Variants in MEI4 observed in about 807,000 individuals in gnomAD.
The protein encoded by MEI4 is meiotic double-stranded break formation protein 4.
In MEI4, 27 loss-of-function variants were observed where a neutral mutation model predicts 31.4. That is an observed-to-expected ratio of 0.86 (90% CI 0.63 to 1.19). MEI4 has a LOEUF of 1.19. Among genes scored for constraint, MEI4 ranks in the 50% most tolerant of loss-of-function variants. The pLI is 0.00. For missense variants in MEI4, 329 were observed against 398.9 expected (o/e 0.82, Z 1.49); for synonymous variants, 122 against 145.4 (o/e 0.84, Z 1.16).
intron 3 of MEI4, among the ~76,000 whole-genome samples, chr6:77,803,362 T>G (rs1296575159): frequency 1.3e-5 from 2 of 152,178 alleles, no homozygotes; most frequent in Non-Finnish European, 2.9e-5. Flanking sequence ...TTATTCTAGG[T>G]AGTCATTGGT....
intron 4 of MEI4, among the ~76,000 whole-genome samples, chr6:77,918,485 T>A (rs1279156182): frequency 1.5e-5 from 2 of 136,246 alleles, no homozygotes; most frequent in Admixed American, 7.7e-5. Flanking sequence ...GTCCTTCACA[T>A]CCCTTGTAAG....
intron 2 of MEI4, among the ~76,000 whole-genome samples, chr6:77,709,357 A>C (rs907995746): frequency 1.3e-5 from 2 of 152,170 alleles, no homozygotes; most frequent in African/African-American, 4.8e-5. Flanking sequence ...ATTCCATGAG[A>C]TCTTGTACCC....
intron 3 of MEI4, among the ~76,000 whole-genome samples, chr6:77,795,593 A>T (rs1477275509): frequency 6.6e-6 from 1 of 152,134 alleles, no homozygotes; most frequent in East Asian, 1.9e-4. Flanking sequence ...GAACAAGGAG[A>T]CATTACCAAT....
intron 1 of MEI4, among the ~76,000 whole-genome samples, chr6:77,658,656 T>C (rs1245636863): frequency 6.6e-6 from 1 of 151,824 alleles, no homozygotes; most frequent in Non-Finnish European, 1.5e-5. Context: ...AAGGGTGATA[T>C]TGTGGGGATG....
intron 3 of MEI4, among the ~76,000 whole-genome samples, chr6:77,776,842 T>C (rs1027334539): frequency 2.6e-5 from 4 of 152,156 alleles, no homozygotes; most frequent in Admixed American, 2.0e-4. Context: ...TTTTATTTGA[T>C]ATTTGATGGC....
intron 2 of MEI4, among the ~76,000 whole-genome samples, chr6:77,692,630 TTATG>T (rs1239733907): frequency 6.6e-6 from 1 of 151,970 alleles, no homozygotes; most frequent in Non-Finnish European, 1.5e-5. Context: ...CTTTAGACAT[TTATG>T]AATGGTTTCA....
chr6:77,818,759 C>T (rs1049771019), intron 3 of MEI4, among the ~76,000 whole-genome samples: 1 of 152,114 alleles, frequency 6.6e-6, no homozygotes, highest in African/African-American at 2.4e-5. Context: ...CAGGGTCTTG[C>T]TCTGTCACCT....
intron 2 of MEI4, among the ~76,000 whole-genome samples, chr6:77,711,976 G>A (rs918556235): frequency 1.3e-5 from 2 of 152,138 alleles, no homozygotes; most frequent in Non-Finnish European, 1.5e-5. Context: ...AGAAGCCCAT[G>A]ATTAGTTAAA....
intron 2 of MEI4, among the ~76,000 whole-genome samples, chr6:77,732,142 T>TA (rs1456201231): frequency 2.0e-5 from 3 of 151,436 alleles, no homozygotes; most frequent in Non-Finnish European, 4.4e-5. Context: ...AACTTGAAAG[T>TA]AGTTTTTTCC....
intron 4 of MEI4, among the ~76,000 whole-genome samples, chr6:77,839,261 G>T (rs9343675): frequency 4.3e-4 from 65 of 152,010 alleles, no homozygotes; most frequent in African/African-American, 1.3e-3. Context: ...GTACAAATAG[G>T]ATGAATGGTG....
chr6:77,702,689 G>A (rs1183122577), intron 2 of MEI4, among the ~76,000 whole-genome samples: 2 of 152,066 alleles, frequency 1.3e-5, no homozygotes, highest in Non-Finnish European at 2.9e-5. Flanking sequence ...TTTAATTTCA[G>A]ATATAACCCA....
At chr6:77,839,146 T>G (rs1272014855) in intron 4 of MEI4, among the ~76,000 whole-genome samples, 1 of 152,158 alleles carries the variant, frequency 6.6e-6, no homozygotes, top group Non-Finnish European at 1.5e-5. Flanking sequence ...GGGGACATTA[T>G]GAGCTGGAGA....
chr6:77,722,127 T>G (rs1766721635), intron 2 of MEI4, among the ~76,000 whole-genome samples: 1 of 143,252 alleles, frequency 7.0e-6, no homozygotes, highest in Admixed American at 7.0e-5. Flanking sequence ...AAGCAATCCT[T>G]TAGATCAATT....
In MEI4 at chr6:77,705,386, G is replaced by A. The variant is rs79975933; in HGVS notation, c.232+14483G>A. On this transcript the variant is annotated intron_variant, in intron 2 of 4. Coordinates refer to ENST00000684080, the MANE Select transcript of MEI4 (RefSeq NM_001322247.2). ...TTGCATAAATGAATGCTAACATGTT[G>A]TAGGCAATAAGACAAAACAAATTTA... Among the ~76,000 whole-genome samples, 900 of 152,278 alleles carry A rather than the reference G, an allele frequency of 5.9e-3. 12 individuals are homozygous for A. The highest frequency in any genetic ancestry group is 0.021 in the African/African-American group (865 of 41,558).
intron 2 of MEI4, among the ~76,000 whole-genome samples, chr6:77,727,262 A>G (rs1415892253): frequency 1.2e-4 from 18 of 152,196 alleles, no homozygotes; most frequent in Admixed American, 1.2e-3. Context: ...GAAAGGCACT[A>G]GTAGGATGAC....
chr6:77,706,058 C>A (rs555973495), intron 2 of MEI4, among the ~76,000 whole-genome samples: 1 of 152,258 alleles, frequency 6.6e-6, no homozygotes, highest in Admixed American at 6.5e-5. Flanking sequence ...CTGACCTTCT[C>A]CCCTTCTTTC....
At chr6:77,698,406 C>T (rs142741103) in intron 2 of MEI4, among the ~76,000 whole-genome samples, 22,602 of 152,038 alleles carry the variant, frequency 0.15, 1,816 homozygotes, top group East Asian at 0.27. Flanking sequence ...TGGCTGGTAC[C>T]GGTTGTTCCT....
At chr6:77,812,644 T>G (rs996099830) in intron 3 of MEI4, among the ~76,000 whole-genome samples, 1 of 152,054 alleles carries the variant, frequency 6.6e-6, no homozygotes. Context: ...TAGGTAAATA[T>G]CAGGATGCTT....
chr6:77,730,258 C>T (rs1194664362), intron 2 of MEI4, among the ~76,000 whole-genome samples: 1 of 152,124 alleles, frequency 6.6e-6, no homozygotes, highest in African/African-American at 2.4e-5. Context: ...TGGTAGCATT[C>T]ACACATTGAT....
Sources: gnomAD v4.1 joint callset for allele counts (sites outside exome capture counted in the v4.1 genomes callset) on GRCh38, gnomAD v4.1.1 for gene constraint, MANE v1.5 for transcripts, NCBI Gene and HGNC (gene_info 2026-07-23, HGNC 2026-07-21) for gene names.